The following CASK variants were observed in gnomAD, a reference collection of about 807,000 sequenced individuals.
CASK encodes calcium/calmodulin dependent serine protein kinase, also known as peripheral plasma membrane protein CASK.
Under a neutral mutation model 82.9 loss-of-function variants are expected in CASK, and 4 were observed. That is an observed-to-expected ratio of 0.05 (90% CI 0.02 to 0.11). The LOEUF is 0.11. Among genes scored for constraint, CASK ranks in the 10% least tolerant of loss-of-function variants. The pLI is 1.00. For missense variants in CASK, 358 were observed against 720.9 expected (o/e 0.50, Z 5.76); for synonymous variants, 259 against 253.5 (o/e 1.02, Z -0.20).
chrX:41,653,084 G>C (rs151178829), intron 8 of CASK, among the ~76,000 whole-genome samples: 5 of 112,823 alleles, frequency 4.4e-5, no homozygotes, highest in African/African-American at 1.6e-4. Context: ...TTAATGGGGA[G>C]AAATCCCCAC....
intron 8 of CASK, among the ~76,000 whole-genome samples, chrX:41,658,226 G>T (rs188625232): frequency 8.9e-6 from 1 of 111,881 alleles, no homozygotes; most frequent in East Asian, 2.8e-4. Flanking sequence ...ATAAGTAAAT[G>T]TTTCCCTGAA....
chrX:41,800,896 G>A (rs772064074), intron 2 of CASK, among the ~76,000 whole-genome samples: 36 of 111,895 alleles, frequency 3.2e-4, no homozygotes, highest in East Asian at 8.4e-4. Context: ...ATCAGCTATC[G>A]ATTGGTTAAG....
At chrX:41,865,235 A>G (rs1267230468) in intron 1 of CASK, among the ~76,000 whole-genome samples, 2 of 111,943 alleles carry the variant, frequency 1.8e-5, no homozygotes, top group Non-Finnish European at 3.8e-5. Context: ...ATGGAAGACA[A>G]GAGAAAGGGC....
intron 5 of CASK, chrX:41,676,524 C>G: frequency 8.7e-7 from 1 of 1,145,633 alleles, no homozygotes; most frequent in Non-Finnish European, 1.2e-6. Context: ...GGGCTCCCCT[C>G]GCGCCGGCAC....
chrX:41,650,516 C>T (rs2066848861), intron 8 of CASK, among the ~76,000 whole-genome samples: 3 of 107,140 alleles, frequency 2.8e-5, no homozygotes, highest in Non-Finnish European at 5.8e-5. Context: ...GCCTTCATTA[C>T]AAAGTTTTTC....
intron 18 of CASK, among the ~76,000 whole-genome samples, chrX:41,557,717 A>C (rs904935601): frequency 2.7e-5 from 3 of 111,184 alleles, no homozygotes; most frequent in Admixed American, 1.9e-4. Flanking sequence ...ACAATATTAC[A>C]CTTCCAGCAA....
chrX:41,838,768 A>T (rs1248946476), intron 2 of CASK, among the ~76,000 whole-genome samples: 1 of 111,452 alleles, frequency 9.0e-6, no homozygotes, highest in Non-Finnish European at 1.9e-5. Context: ...TCAAAAAAAA[A>T]AGCTATGTAG....
intron 5 of CASK, among the ~76,000 whole-genome samples, chrX:41,688,390 T>C (rs1427089747): frequency 2.7e-5 from 3 of 111,943 alleles, no homozygotes; most frequent in African/African-American, 9.7e-5. Flanking sequence ...GATGGACAGA[T>C]AGTGGTTAAA....
intron 2 of CASK, among the ~76,000 whole-genome samples, chrX:41,844,733 CT>C (rs2071116710): frequency 9.0e-6 from 1 of 111,225 alleles, no homozygotes; most frequent in East Asian, 2.8e-4. Context: ...TTATTTCTGC[CT>C]GTCAAGTTTA....
chrX:41,560,432 G>A (rs1418521043), intron 17 of CASK, among the ~76,000 whole-genome samples: 1 of 105,810 alleles, frequency 9.5e-6, no homozygotes, highest in African/African-American at 3.4e-5. Context: ...CCTTGCTAAT[G>A]TTTGTATTTT....
intron 3 of CASK, among the ~76,000 whole-genome samples, chrX:41,757,007 A>G (rs951489956): frequency 1.8e-5 from 2 of 111,893 alleles, no homozygotes; most frequent in Non-Finnish European, 3.8e-5. Context: ...TGTGAAATCC[A>G]TTTTCATGCC....
intron 8 of CASK, among the ~76,000 whole-genome samples, chrX:41,644,902 C>G (rs925669049): frequency 4.0e-4 from 44 of 111,389 alleles, no homozygotes; most frequent in African/African-American, 1.4e-3. Flanking sequence ...ACCAGTTGAT[C>G]TCAAAACCTT....
At chrX:41,656,799 C>G (rs1041237107) in intron 8 of CASK, among the ~76,000 whole-genome samples, 1 of 111,101 alleles carries the variant, frequency 9.0e-6, no homozygotes, top group Non-Finnish European at 1.9e-5. Flanking sequence ...GATATAATGA[C>G]TATACTTTTT....
At position 41,620,932 on chromosome X, in the gene CASK, T is replaced by C. The variant is rs191732078; in HGVS notation, c.1033+1685A>G. On this transcript the variant is annotated intron_variant, in intron 11 of 26. Transcript: ENST00000378163. Reference sequence around the variant, plus strand: ...GTCAGCGTATAGATGTTATAATCTCTAATGCCATTATGATTATTAAAATAG... The same window carrying C: ...GTCAGCGTATAGATGTTATAATCTCCAATGCCATTATGATTATTAAAATAG... Among the ~76,000 whole-genome samples, 212 of 112,148 alleles carry C rather than the reference T, an allele frequency of 1.9e-3. 2 individuals are homozygous for C. Among genetic ancestry groups the C allele is most frequent in the Middle Eastern group, 0.014 (3 of 217 alleles).
intron 6 of CASK, among the ~76,000 whole-genome samples, chrX:41,669,962 T>C (rs1007586009): frequency 2.8e-4 from 31 of 112,092 alleles, no homozygotes; most frequent in Admixed American, 9.5e-5. Context: ...GATGAACGGT[T>C]ATCATACGGA....
intron 2 of CASK, among the ~76,000 whole-genome samples, chrX:41,795,726 G>A (rs922226309): frequency 8.2e-5 from 9 of 110,335 alleles, no homozygotes; most frequent in Admixed American, 5.9e-4. Flanking sequence ...AGAAGCAAAG[G>A]CATCTAGTAT....
chrX:41,580,942 G>A (rs1424342159), intron 14 of CASK, among the ~76,000 whole-genome samples: 1 of 111,976 alleles, frequency 8.9e-6, no homozygotes, highest in Non-Finnish European at 1.9e-5. Flanking sequence ...AGACTAGAGT[G>A]GAAAAAATCT....
chrX:41,871,841 T>C (rs765818864), intron 1 of CASK, among the ~76,000 whole-genome samples: 1 of 112,543 alleles, frequency 8.9e-6, no homozygotes, highest in East Asian at 2.8e-4. Context: ...AATGACCATA[T>C]GTACAAGTAA....
intron 5 of CASK, chrX:41,697,950 T>C (rs1957909337): frequency 9.1e-6 from 1 of 110,224 alleles, no homozygotes; most frequent in African/African-American, 3.3e-5. Flanking sequence ...TACAGGCGCA[T>C]GCCACCACGC....
Sources: allele counts gnomAD v4.1 joint callset (sites outside exome capture counted in the v4.1 genomes callset), GRCh38; gene constraint gnomAD v4.1.1; transcripts MANE v1.5; gene names NCBI Gene and HGNC (gene_info 2026-07-23, HGNC 2026-07-21).